CADM2: variants seen among roughly 807,000 people sequenced by gnomAD.
The protein encoded by CADM2 is immunoglobulin superfamily member 4D.
A neutral mutation model predicts 49.8 loss-of-function variants in CADM2; 12 were observed. The observed-to-expected ratio is 0.24, with a 90% CI of 0.15 to 0.39. CADM2 has a LOEUF of 0.39. CADM2 is among the 10% of genes least tolerant of loss of function. The probability of loss-of-function intolerance (pLI) is 1.00; values close to 1 mark genes in which losing one functional copy is unlikely to be tolerated. For synonymous variants in CADM2, 214 were observed against 175.4 expected (o/e 1.22, Z -1.74); for missense variants, 378 against 492.3 (o/e 0.77, Z 2.20).
At chr3:85,042,205 G>A (rs1221714288) in intron 1 of CADM2, among the ~76,000 whole-genome samples, 1 of 152,112 alleles carries the variant, frequency 6.6e-6, no homozygotes, top group Non-Finnish European at 1.5e-5. Context: ...TGGCAACAAG[G>A]AGAGTGAGCG....
chr3:85,984,685 A>T (rs1390077699), intron 8 of CADM2, among the ~76,000 whole-genome samples: 4 of 151,950 alleles, frequency 2.6e-5, no homozygotes, highest in Non-Finnish European at 4.4e-5. Context: ...CTAAGAGTGG[A>T]TTCAAATACA....
chr3:85,372,556 G>A (rs926460942), intron 1 of CADM2, among the ~76,000 whole-genome samples: 3 of 151,868 alleles, frequency 2.0e-5, no homozygotes, highest in African/African-American at 4.8e-5. Flanking sequence ...ACTAGGTAGA[G>A]GGCAATTAAT....
intron 1 of CADM2, among the ~76,000 whole-genome samples, chr3:84,995,562 A>G (rs1044916452): frequency 2.0e-5 from 3 of 152,222 alleles, no homozygotes; most frequent in Non-Finnish European, 2.9e-5. Context: ...AGTATTTCCA[A>G]GACTCAGCTT....
At chr3:85,454,346 T>TA (rs202107687) in intron 1 of CADM2, among the ~76,000 whole-genome samples, 2,061 of 151,678 alleles carry the variant, frequency 0.014, 116 homozygotes, top group South Asian at 0.1. Flanking sequence ...TAAAAAGTTT[T>TA]TAAAAAAATG....
At chr3:85,845,972 T>C (rs1275756489) in intron 3 of CADM2, among the ~76,000 whole-genome samples, 1 of 152,066 alleles carries the variant, frequency 6.6e-6, no homozygotes, top group Admixed American at 6.6e-5. Context: ...GAGCTGGGGT[T>C]CTACTGGGGT....
chr3:85,696,805 G>T (rs1462511735), intron 1 of CADM2, among the ~76,000 whole-genome samples: 1 of 151,820 alleles, frequency 6.6e-6, no homozygotes, highest in Non-Finnish European at 1.5e-5. Context: ...GTGTCTGTTA[G>T]TATTGGGCTA....
chr3:85,759,074 G>A (rs1392424510), intron 2 of CADM2, among the ~76,000 whole-genome samples: 1 of 152,026 alleles, frequency 6.6e-6, no homozygotes, highest in Non-Finnish European at 1.5e-5. Context: ...TTACTATACA[G>A]AGAGGGAATC....
At chr3:85,968,192 A>C (rs1725696059) in intron 8 of CADM2, among the ~76,000 whole-genome samples, 1 of 151,698 alleles carries the variant, frequency 6.6e-6, no homozygotes, top group Non-Finnish European at 1.5e-5. Flanking sequence ...CTGAGATAAA[A>C]CGCTATCATT....
chr3:85,118,256 A>G, intron 1 of CADM2, among the ~76,000 whole-genome samples: 1 of 145,836 alleles, frequency 6.9e-6, no homozygotes, highest in East Asian at 1.9e-4. Context: ...TAAAATATTA[A>G]ATAAAATTGA....
intron 1 of CADM2, among the ~76,000 whole-genome samples, chr3:85,001,365 A>G (rs1211580310): frequency 2.0e-5 from 3 of 150,484 alleles, no homozygotes; most frequent in Non-Finnish European, 4.4e-5. Context: ...TTATCTTTCT[A>G]TCTATCCATC....
At position 85,614,209 on chromosome 3, in the gene CADM2, T is replaced by C. The variant is rs17023085; in HGVS notation, c.62-112313T>C. Among the ~76,000 whole-genome samples the C allele has an allele frequency of 2.2e-3, 330 of 151,624 alleles. 6 individuals carry two copies. The East Asian group carries it at 0.022, about 10-fold the overall frequency. On this transcript the variant is annotated intron_variant, in intron 1 of 9. Transcript: ENST00000383699. ...AGGTCTAAAAGTGTGTGTTTGATGA[T>C]TCAATTTTTTAATAGAAGTATAATT...
At chr3:85,446,361 T>G (rs2037450460) in intron 1 of CADM2, among the ~76,000 whole-genome samples, 1 of 152,166 alleles carries the variant, frequency 6.6e-6, no homozygotes, top group Non-Finnish European at 1.5e-5. Flanking sequence ...AGTTGTACTT[T>G]CAGTGCATTA....
rs5850706 is a variant in CADM2, at chr3:85,637,616, A to ATAAAATAAAATAAAATAAAATAAAAT, written c.62-88906_62-88905insTAAAATAAAATAAAATAAAATAAAAT. ...AGAGCGAGACTCCGTCTCAAAAAAAAAAAAAAAAATAAAATAAAATAAATA... is the reference window on the plus strand; with the variant it reads ...AGAGCGAGACTCCGTCTCAAAAAAAATAAAATAAAATAAAATAAAATAAAATAAAAAAAAATAAAATAAAATAAATA... On this transcript the variant is annotated intron_variant, in intron 1 of 9. Coordinates refer to ENST00000383699, the MANE Select transcript of CADM2 (RefSeq NM_001167675.2). Among the ~76,000 whole-genome samples the ATAAAATAAAATAAAATAAAATAAAAT allele has an allele frequency of 4.3e-3, 411 of 95,992 alleles. 7 individuals carry two copies. Among genetic ancestry groups the ATAAAATAAAATAAAATAAAATAAAAT allele is most frequent in the South Asian group, 6.2e-3 (15 of 2,414 alleles). The allele number at this position is 95,992 out of a possible 152,430, so 63.0% of individuals were successfully genotyped here.
intron 8 of CADM2, among the ~76,000 whole-genome samples, chr3:86,025,132 C>T (rs994876228): frequency 5.9e-5 from 9 of 151,702 alleles, no homozygotes; most frequent in Non-Finnish European, 1.0e-4. Context: ...CTCAGCTCAC[C>T]GAAACCTCTG....
At chr3:86,045,008 A>G (rs1325290066) in intron 8 of CADM2, among the ~76,000 whole-genome samples, 1 of 148,352 alleles carries the variant, frequency 6.7e-6, no homozygotes, top group Non-Finnish European at 1.5e-5. Context: ...GAATTGAACA[A>G]TGAGAACACA....
chr3:85,714,440 T>G (rs2067217336), intron 1 of CADM2, among the ~76,000 whole-genome samples: 1 of 152,218 alleles, frequency 6.6e-6, no homozygotes, highest in Admixed American at 6.5e-5. Context: ...GTTTGTTTGT[T>G]TTTTGAGATG....
At chr3:85,376,253 T>C (rs1205982457) in intron 1 of CADM2, among the ~76,000 whole-genome samples, 1 of 152,110 alleles carries the variant, frequency 6.6e-6, no homozygotes, top group Non-Finnish European at 1.5e-5. Flanking sequence ...ATAACATTAC[T>C]AACTATATCC....
chr3:85,253,480 A>T (rs2042819106), intron 1 of CADM2, among the ~76,000 whole-genome samples: 1 of 152,038 alleles, frequency 6.6e-6, no homozygotes, highest in Non-Finnish European at 1.5e-5. Context: ...CCTATAAGGT[A>T]GCAGCAAAGA....
chr3:86,038,827 T>C (rs752514548), intron 8 of CADM2, among the ~76,000 whole-genome samples: 7 of 152,226 alleles, frequency 4.6e-5, no homozygotes, highest in Non-Finnish European at 8.8e-5. Flanking sequence ...ATTTGTTAAA[T>C]GATTTTCCTA....
Sources: gnomAD v4.1 joint callset for allele counts (sites outside exome capture counted in the v4.1 genomes callset) on GRCh38, gnomAD v4.1.1 for gene constraint, MANE v1.5 for transcripts, NCBI Gene and HGNC (gene_info 2026-07-23, HGNC 2026-07-21) for gene names.